TMEM235: variants seen among roughly 807,000 people sequenced by gnomAD.
The protein encoded by TMEM235 is transmembrane protein 235.
A neutral mutation model predicts 22.9 loss-of-function variants in TMEM235; 23 were observed. The observed-to-expected ratio is 1.00, with a 90% confidence interval of 0.72 to 1.42. TMEM235 has a LOEUF of 1.42. Among genes scored for constraint, TMEM235 ranks in the 40% most tolerant of loss-of-function variants. The probability of loss-of-function intolerance (pLI) is 0.00; values close to 1 mark genes in which losing one functional copy is unlikely to be tolerated. For synonymous variants in TMEM235, 137 were observed against 140.5 expected (o/e 0.98, Z 0.17); for missense variants, 308 against 299.5 (o/e 1.03, Z -0.21).
At chr17:78,231,378 A>T in intron 1 of TMEM235, 1 of 1,250,194 alleles carries the variant, frequency 8.0e-7, no homozygotes, top group Non-Finnish European at 1.0e-6. Context: ...GCCTTGCTGG[A>T]GGGGGCATTT....
In TMEM235 at chr17:78,238,398, G is replaced by T. The variant is rs1326842520; in HGVS notation, c.410-626G>T. ...CCTGAAACTCAGAGCTGGGAGGACA[G>T]GGGGGCTCTGGAAGGGGAGTCAGAG... On this transcript the variant is annotated intron_variant, in intron 4 of 5. Transcript: ENST00000421688. The surrounding 1 kb of genome is among the most constrained non-coding windows in gnomAD (Gnocchi z 4.3). 6.6e-6 allele frequency among the ~76,000 whole-genome samples: 1 copy of T among 152,040 alleles called. No homozygotes were observed. The highest frequency in any genetic ancestry group is 1.5e-5 in the Non-Finnish European group (1 of 68,004).
At position 78,237,502 on chromosome 17, in the gene TMEM235, T is replaced by C. The variant is rs1477915081; in HGVS notation, c.410-1522T>C. ...GTACTTCAGGTCCCAGTTTGGGAGC[T>C]TACTCTTCACCTTCATTTTGGGAGA... On this transcript the variant is annotated intron_variant, in intron 4 of 5. Coordinates refer to ENST00000421688, the Ensembl canonical transcript of TMEM235. The surrounding 1 kb of genome is among the most constrained non-coding windows in gnomAD (Gnocchi z 4.7). 6.6e-6 allele frequency among the ~76,000 whole-genome samples: 1 copy of C among 152,126 alleles called. No homozygotes were observed. Among genetic ancestry groups the C allele is most frequent in the African/African-American group, 2.4e-5 (1 of 41,414 alleles).
exon 6 of TMEM235, chr17:78,239,987 T>G (rs545951161): frequency 6.5e-7 from 1 of 1,544,084 alleles, no homozygotes; most frequent in African/African-American, 1.4e-5. Flanking sequence ...GATCCAGATG[T>G]ACCCCTCTGC....
At chr17:78,232,090 G>T in exon 2 of TMEM235, 1 of 1,469,196 alleles carries the variant, frequency 6.8e-7, no homozygotes, top group Non-Finnish European at 9.0e-7. Context: ...CGCGCTCCTG[G>T]CCGCCGCGGT....
chr17:78,231,938 C>A (rs576298174), exon 2 of TMEM235: 67 of 1,005,622 alleles, frequency 6.7e-5, no homozygotes, highest in South Asian at 6.4e-4. Flanking sequence ...GCCCGCCCCC[C>A]GTCCCCCGGC....
At chr17:78,236,801 G>A (rs1225449124) in intron 4 of TMEM235, among the ~76,000 whole-genome samples, 1 of 152,222 alleles carries the variant, frequency 6.6e-6, no homozygotes, top group Non-Finnish European at 1.5e-5. Flanking sequence ...TCACTGAGGA[G>A]GCCCGACTGG....
At position 78,237,222 on chromosome 17, in the gene TMEM235, G is replaced by A. The variant is rs773977131; in HGVS notation, c.410-1802G>A. Among the ~76,000 whole-genome samples the A allele has an allele frequency of 2.0e-5, 3 of 152,102 alleles. No individual in the cohort carries two copies. Among genetic ancestry groups the A allele is most frequent in the Non-Finnish European group, 2.9e-5 (2 of 68,008 alleles). ...GGGCTCTCAGGATGTCACACCAAAG[G>A]CACCTGCCCAGGGTCAGCTCGGCCC... On this transcript the variant is annotated intron_variant, in intron 4 of 5. Transcript: ENST00000421688. The surrounding 1 kb of genome is among the most constrained non-coding windows in gnomAD (Gnocchi z 4.7).
chr17:78,236,153 C>T (rs546948812), intron 4 of TMEM235, among the ~76,000 whole-genome samples: 5 of 152,296 alleles, frequency 3.3e-5, no homozygotes, highest in East Asian at 3.9e-4. Context: ...GGAGGAGCAC[C>T]GGGGTCCAAG....
rs1410858272 is a variant in TMEM235, at chr17:78,238,222, G to A, written c.410-802G>A. On this transcript the variant is annotated intron_variant, in intron 4 of 5. Transcript: ENST00000421688. This position sits in a 1 kb window ranked among gnomAD's most constrained non-coding sequence, Gnocchi z 4.3. Reference sequence around the variant, plus strand: ...ATGGGCCGAGTCCCCTACCTAGCTCGTTGCTGGACCCTGAACTGCCGGATG... The same window carrying A: ...ATGGGCCGAGTCCCCTACCTAGCTCATTGCTGGACCCTGAACTGCCGGATG... Among the ~76,000 whole-genome samples the A allele has an allele frequency of 1.3e-5, 2 of 152,212 alleles. No homozygotes were observed. Among genetic ancestry groups the A allele is most frequent in the East Asian group, 1.9e-4 (1 of 5,198 alleles).
chr17:78,231,464 A>G, exon 2 of TMEM235: 2 of 1,302,790 alleles, frequency 1.5e-6, no homozygotes, highest in Non-Finnish European at 2.0e-6. Context: ...CAGCCACTGC[A>G]CTTCACCGGA....
In TMEM235 at chr17:78,238,320, C is replaced by T. The variant is rs138980888; in HGVS notation, c.410-704C>T. 1.4e-3 allele frequency among the ~76,000 whole-genome samples: 211 copies of T among 151,894 alleles called. 2 individuals are homozygous for T. The highest frequency in any genetic ancestry group is 4.8e-3 in the African/African-American group (200 of 41,408). On this transcript the variant is annotated intron_variant, in intron 4 of 5. Coordinates refer to ENST00000421688, the Ensembl canonical transcript of TMEM235. The surrounding 1 kb of genome is among the most constrained non-coding windows in gnomAD (Gnocchi z 4.3). ...ACAACAGCTTTGACCATGTGGAGAGCGGGAGGGAGGAGAGAGGAGGGCCCA... is the reference window on the plus strand; with the variant it reads ...ACAACAGCTTTGACCATGTGGAGAGTGGGAGGGAGGAGAGAGGAGGGCCCA...
chr17:78,233,822 C>A (rs914720203), intron 2 of TMEM235, 73 bp from the exon 2 acceptor site: 3 of 1,406,810 alleles, frequency 2.1e-6, no homozygotes, highest in African/African-American at 2.8e-5. Context: ...GCCAGGGGGT[C>A]CCCTGGGCTC....
Position 78,238,277 on chromosome 17 carries a change from C to T in TMEM235, c.410-747C>T, listed in dbSNP as rs911345163. Among the ~76,000 whole-genome samples the T allele has an allele frequency of 1.3e-5, 2 of 152,180 alleles. No individual in the cohort carries two copies. Among genetic ancestry groups the T allele is most frequent in the African/African-American group, 4.8e-5 (2 of 41,442 alleles). On this transcript the variant is annotated intron_variant, in intron 4 of 5. Coordinates refer to ENST00000421688, the Ensembl canonical transcript of TMEM235. The surrounding 1 kb of genome is among the most constrained non-coding windows in gnomAD (Gnocchi z 4.3). ...CTGGTGCCCGCCACCCTGTGCAAAG[C>T]CCAGCTTCATTCCTTTGACAACAGC... is the stretch of plus-strand genomic sequence containing the variant.
rs55893266 is a variant in TMEM235 at position 78,238,550 on chromosome 17, C to CTGTG, written c.410-441_410-438dup. Among the ~76,000 whole-genome samples the CTGTG allele has an allele frequency of 0.15, 20,447 of 138,086 alleles. 1,644 individuals carry two copies. Among genetic ancestry groups the CTGTG allele is most frequent in the South Asian group, 0.28 (1,107 of 3,902 alleles). The allele number at this position is 138,086 out of a possible 152,430, so 90.6% of individuals were successfully genotyped here. A position where few individuals can be genotyped will look rare whatever the true frequency, so the allele number is the denominator to read the frequency against. On this transcript the variant is annotated intron_variant, in intron 4 of 5. Coordinates refer to ENST00000421688, the Ensembl canonical transcript of TMEM235. The surrounding 1 kb of genome is among the most constrained non-coding windows in gnomAD (Gnocchi z 4.3). ...GCTGCTGCCAGCAGAGGCCATGGCT[C>CTGTG]TGTGTGTGTGTGTGTGTGTGTGTGT... is the stretch of plus-strand genomic sequence containing the variant.
At position 78,237,185 on chromosome 17, in the gene TMEM235, C is replaced by T. The variant is rs1290563623; in HGVS notation, c.410-1839C>T. ...TCCTAGTATGAGGGTCAGCTGTGGG[C>T]CGAAGCACAGAGGGCTCTCAGGATG... On this transcript the variant is annotated intron_variant, in intron 4 of 5. Coordinates refer to ENST00000421688, the Ensembl canonical transcript of TMEM235. This position sits in a 1 kb window ranked among gnomAD's most constrained non-coding sequence, Gnocchi z 4.7. Among the ~76,000 whole-genome samples the T allele has an allele frequency of 6.6e-6, 1 of 152,092 alleles. No homozygotes were observed. Among genetic ancestry groups the T allele is most frequent in the African/African-American group, 2.4e-5 (1 of 41,432 alleles).
exon 2 of TMEM235, chr17:78,231,610 C>T (rs2145910185): frequency 7.7e-7 from 1 of 1,303,512 alleles, no homozygotes; most frequent in Non-Finnish European, 1.0e-6. Flanking sequence ...CGGTCTCTGG[C>T]CGATCCTCCC....
rs2081105735 is a variant in TMEM235, at chr17:78,240,135, C to CG, written c.*348dup. ...CCGACCCTTCCTCTCTGCAGCAACC[C>CG]GGGGGAGGTATGCCACTGTGAGTGC... On this transcript the variant is annotated 3_prime_UTR_variant, in exon 6 of 6. Transcript: ENST00000421688. The CG allele has an allele frequency of 5.8e-6, 7 of 1,215,784 alleles. No individual in the cohort carries two copies. The African/African-American group carries it at 6.1e-5, about 11-fold the overall frequency. The allele number at this position is 1,215,784 out of a possible 1,614,324, so 75.3% of individuals were successfully genotyped here. A position where few individuals can be genotyped will look rare whatever the true frequency, so the allele number is the denominator to read the frequency against.
rs963766191 is a variant in TMEM235 at position 78,238,286 on chromosome 17, A to C, written c.410-738A>C. ...GCCACCCTGTGCAAAGCCCAGCTTC[A>C]TTCCTTTGACAACAGCTTTGACCAT... is the stretch of plus-strand genomic sequence containing the variant. On this transcript the variant is annotated intron_variant, in intron 4 of 5. Transcript: ENST00000421688. The surrounding 1 kb of genome is among the most constrained non-coding windows in gnomAD (Gnocchi z 4.3). Among the ~76,000 whole-genome samples the C allele has an allele frequency of 6.6e-6, 1 of 152,140 alleles. No individual in the cohort carries two copies. The highest frequency in any genetic ancestry group is 1.5e-5 in the Non-Finnish European group (1 of 68,008).
chr17:78,234,859 T>C lies in TMEM235; in HGVS notation c.409+129T>C. 4.9e-6 allele frequency: 6 copies of C among 1,235,274 alleles called. No homozygotes were observed. The South Asian group carries it at 7.4e-5, about 15-fold the overall frequency. 76.5% of individuals were successfully genotyped at this position (1,235,274 alleles called of 1,614,324 possible). On this transcript the variant is annotated intron_variant, in intron 4 of 5. Coordinates refer to ENST00000421688, the Ensembl canonical transcript of TMEM235. ...TCTGGGCGGGTGCTGAGTCTGGCGA[T>C]GGAGCCGTGGCAGGCAGCTCCCTGT...
Sources: gnomAD v4.1 joint callset for allele counts (sites outside exome capture counted in the v4.1 genomes callset) on GRCh38, gnomAD v4.1.1 for gene constraint, Gnocchi (gnomAD v3.1) non-coding constraint, MANE v1.5 for transcripts, NCBI Gene and HGNC (gene_info 2026-07-23, HGNC 2026-07-21) for gene names.